The following SLC18B1 variants were observed in gnomAD, a reference collection of about 807,000 sequenced individuals.
SLC18B1 encodes the protein solute carrier family 18 member B1.
SLC18B1 carries 62 observed loss-of-function variants against 53.9 expected under a neutral mutation model. The ratio of observed to expected loss-of-function variants is 1.15; its 90% confidence interval spans 0.94 to 1.42. The LOEUF (loss-of-function observed/expected upper bound fraction) is 1.42, where lower values mean the gene tolerates loss of function less well. Ranked by LOEUF, SLC18B1 falls within the 40% of genes most tolerant of loss-of-function variation. The probability of loss-of-function intolerance (pLI) is 0.00; values close to 1 mark genes in which losing one functional copy is unlikely to be tolerated. For missense variants in SLC18B1, 598 were observed against 547.3 expected, an observed-to-expected ratio of 1.09 and a Z score of -0.93; for synonymous variants, 217 against 200.9, an observed-to-expected ratio of 1.08 and a Z score of -0.68.
chr6:132,775,042 C>G (rs936805323), intron 8 of SLC18B1, among the ~76,000 whole-genome samples: 5 of 152,156 alleles, frequency 3.3e-5, no homozygotes, highest in Admixed American at 6.5e-5. Context: ...TATGTTAAAT[C>G]TTAACACCCA....
chr6:132,787,734 T>C (rs1464593569), intron 4 of SLC18B1, among the ~76,000 whole-genome samples, 153 bp from the exon 5 acceptor site: 1 of 152,226 alleles, frequency 6.6e-6, no homozygotes. Flanking sequence ...AGTTGCTTTG[T>C]TGTCTTTTCA....
intron 6 of SLC18B1, among the ~76,000 whole-genome samples, chr6:132,780,604 T>G (rs1188575605): frequency 6.7e-6 from 1 of 149,678 alleles, no homozygotes; most frequent in Non-Finnish European, 1.5e-5. Flanking sequence ...CAGTAGTTTT[T>G]TTTTTGGAGT....
At chr6:132,770,482 T>C (rs1780941774) in intron 13 of SLC18B1, 146 bp from the exon 14 acceptor site, 1 of 677,804 alleles carries the variant, frequency 1.5e-6, no homozygotes, top group South Asian at 1.8e-5. Flanking sequence ...ACGCCTGTAA[T>C]CCCAGCATTT....
chr6:132,790,528 A>G (rs1293602457), intron 2 of SLC18B1, among the ~76,000 whole-genome samples: 1 of 152,230 alleles, frequency 6.6e-6, no homozygotes, highest in Admixed American at 6.5e-5. Flanking sequence ...ATGTGGCAAA[A>G]GTCAGAATCA....
intron 4 of SLC18B1, among the ~76,000 whole-genome samples, chr6:132,788,449 C>G (rs963439820): frequency 1.5e-4 from 23 of 151,938 alleles, no homozygotes; most frequent in Non-Finnish European, 2.4e-4. Context: ...CAATTTGAGT[C>G]ATAATGACAG....
rs370157658 is a variant in SLC18B1 at position 132,779,267 on chromosome 6, C to T, written c.795+1G>A. On this transcript the variant is annotated splice_donor_variant, in intron 7 of 13. Transcript: ENST00000275227. LOFTEE classifies it high-confidence loss of function. ...CACTCTTCAGCAATCAGGTAACTTA[C>T]CTTCTCCAAAACAAAGAGAGACAGA... is the stretch of plus-strand genomic sequence containing the variant. 5.6e-6 allele frequency: 9 copies of T among 1,613,666 alleles called. No individual in the cohort carries two copies. Among genetic ancestry groups the T allele is most frequent in the Non-Finnish European group, 5.1e-6 (6 of 1,179,770 alleles).
intron 8 of SLC18B1, among the ~76,000 whole-genome samples, chr6:132,774,700 C>G (rs1447048045): frequency 6.6e-6 from 1 of 152,166 alleles, no homozygotes; most frequent in Admixed American, 6.5e-5. Context: ...CTTGAGCTCA[C>G]AAGTTTGAGA....
At chr6:132,793,919 A>G (rs182296631) in intron 2 of SLC18B1, among the ~76,000 whole-genome samples, 1 of 152,176 alleles carries the variant, frequency 6.6e-6, no homozygotes, top group East Asian at 1.9e-4. Context: ...CACAAAACTC[A>G]ATCAAAAACT....
intron 2 of SLC18B1, among the ~76,000 whole-genome samples, chr6:132,796,595 G>A (rs931028268): frequency 2.7e-5 from 4 of 145,968 alleles, no homozygotes; most frequent in Non-Finnish European, 6.0e-5. Flanking sequence ...ATTCTAAAAT[G>A]TGAATAAAAC....
At chr6:132,776,539 A>G in intron 7 of SLC18B1, 110 bp from the exon 8 acceptor site, 1 of 730,924 alleles carries the variant, frequency 1.4e-6, no homozygotes, top group South Asian at 2.0e-5. Context: ...GTCTACTAAT[A>G]ATATTCTGCA....
chr6:132,796,009 T>G (rs1195841766), intron 2 of SLC18B1, among the ~76,000 whole-genome samples: 1 of 151,802 alleles, frequency 6.6e-6, no homozygotes, highest in African/African-American at 2.4e-5. Context: ...GGTCAGGAGA[T>G]CGAAGCCAGA....
chr6:132,775,379 C>G (rs1312804678), intron 8 of SLC18B1, among the ~76,000 whole-genome samples: 2 of 152,066 alleles, frequency 1.3e-5, no homozygotes, highest in East Asian at 3.9e-4. Flanking sequence ...TAAAATTATC[C>G]CTTATAAACT....
rs572007024 is a variant in SLC18B1 at position 132,778,878 on chromosome 6, G to T, written c.795+390C>A. ...CAGCTTAAAAAGTAAGTGGACCCAG[G>T]GGGGATCTGTTATAGAAGAAGCACA... is the stretch of plus-strand genomic sequence containing the variant. On this transcript the variant is annotated intron_variant, in intron 7 of 13. Transcript: ENST00000275227. 2.0e-5 allele frequency among the ~76,000 whole-genome samples: 3 copies of T among 152,234 alleles called. No individual in the cohort carries two copies. The South Asian group carries it at 6.2e-4, about 32-fold the overall frequency.
chr6:132,771,909 C>T (rs1028830258), intron 11 of SLC18B1, among the ~76,000 whole-genome samples: 12 of 151,952 alleles, frequency 7.9e-5, no homozygotes, highest in East Asian at 3.9e-4. Context: ...CTGGCCAACA[C>T]GGTGAAACCC....
intron 6 of SLC18B1, among the ~76,000 whole-genome samples, chr6:132,780,915 C>T (rs375298333): frequency 1.9e-4 from 29 of 152,170 alleles, no homozygotes; most frequent in African/African-American, 6.7e-4. Flanking sequence ...AATCTGAGCA[C>T]ATCCTTGATG....
chr6:132,792,623 C>T (rs141699834), intron 2 of SLC18B1, among the ~76,000 whole-genome samples: 71 of 152,212 alleles, frequency 4.7e-4, no homozygotes, highest in African/African-American at 1.7e-3. Context: ...TAGCTGGCCT[C>T]ATTTATAGAT....
chr6:132,798,453 C>T lies in SLC18B1; in HGVS notation c.4G>A (p.Glu2Lys). M[E>K]ALGDLEGPRA... ...GGTCCCTCCAGGTCACCCAGCGCCT[C>T]CATCCCCGGTGCGTGGACTCCGGCG... The change falls in exon 1 of 14, where the codon GAG becomes AAG. Residue 2 changes from glutamate (E) to lysine (K), a missense_variant. Glu to Lys is a moderately conservative substitution (Grantham distance 56). Transcript: ENST00000275227. 1 of 1,521,916 alleles carries T rather than the reference C, an allele frequency of 6.6e-7. No individual in the cohort carries two copies. The highest frequency in any genetic ancestry group is 8.8e-7 in the Non-Finnish European group (1 of 1,130,934). The allele number at this position is 1,521,916 out of a possible 1,614,324, so 94.3% of individuals were successfully genotyped here.
At chr6:132,778,315 A>C (rs1445748585) in intron 7 of SLC18B1, among the ~76,000 whole-genome samples, 1 of 152,120 alleles carries the variant, frequency 6.6e-6, no homozygotes, top group South Asian at 2.1e-4. Context: ...GACATTGGGT[A>C]CCTTATGGAT....
intron 4 of SLC18B1, 95 bp from the exon 5 acceptor site, chr6:132,787,676 C>T (rs1323308207): frequency 8.9e-7 from 1 of 1,121,366 alleles, no homozygotes; most frequent in African/African-American, 1.6e-5. Flanking sequence ...TAGTACCTCA[C>T]TCATGGTTTT....
Sources: allele counts gnomAD v4.1 joint callset (sites outside exome capture counted in the v4.1 genomes callset), GRCh38; gene constraint gnomAD v4.1.1; transcripts MANE v1.5; gene names NCBI Gene and HGNC (gene_info 2026-07-23, HGNC 2026-07-21).